Variants in TMEM232 observed in about 807,000 individuals in gnomAD.
TMEM232 encodes transmembrane protein 232.
In TMEM232, 80 loss-of-function variants were observed where a neutral mutation model predicts 78.8. The observed-to-expected ratio is 1.01, with a 90% CI of 0.85 to 1.22. The LOEUF (loss-of-function observed/expected upper bound fraction) is 1.22. Ranked by LOEUF, TMEM232 falls within the 50% of genes most tolerant of loss-of-function variation. The pLI, the probability that TMEM232 is intolerant of heterozygous loss-of-function variation, is 0.00. For missense variants in TMEM232, 881 were observed against 742.2 expected, an observed-to-expected ratio of 1.19 and a Z score of -2.17; for synonymous variants, 297 against 254.3, an observed-to-expected ratio of 1.17 and a Z score of -1.60.
intron 11 of TMEM232, among the ~76,000 whole-genome samples, chr5:110,547,741 T>C (rs995962958): frequency 6.6e-5 from 10 of 152,106 alleles, no homozygotes; most frequent in Non-Finnish European, 1.2e-4. Context: ...CTCACACCTG[T>C]AATCCTAGAA....
intron 7 of TMEM232, among the ~76,000 whole-genome samples, chr5:110,621,278 T>A (rs112161797): frequency 2.0e-5 from 3 of 152,138 alleles, no homozygotes; most frequent in Non-Finnish European, 4.4e-5. Context: ...TCATCACATA[T>A]ATCATCAGTG....
intron 12 of TMEM232, among the ~76,000 whole-genome samples, chr5:110,469,189 C>T (rs370598871): frequency 7.2e-5 from 11 of 152,274 alleles, no homozygotes; most frequent in African/African-American, 2.4e-4. Flanking sequence ...CTGTGCCCCT[C>T]GCTCAGTGGC....
intron 11 of TMEM232, among the ~76,000 whole-genome samples, chr5:110,545,196 G>A (rs1438186342): frequency 1.3e-5 from 2 of 151,900 alleles, no homozygotes; most frequent in Non-Finnish European, 2.9e-5. Flanking sequence ...AGAAATATTA[G>A]AGCCTTTGAG....
chr5:110,445,302 A>G (rs1157405660), intron 12 of TMEM232, among the ~76,000 whole-genome samples: 1 of 152,088 alleles, frequency 6.6e-6, no homozygotes, highest in Non-Finnish European at 1.5e-5. Flanking sequence ...CACATAATAA[A>G]TTACATATGT....
intron 12 of TMEM232, among the ~76,000 whole-genome samples, chr5:110,468,893 C>T (rs563711472): frequency 1.1e-4 from 16 of 152,106 alleles, no homozygotes; most frequent in Non-Finnish European, 1.9e-4. Flanking sequence ...CAAAGGAGTA[C>T]CAGAAACCAT....
intron 1 of TMEM232, among the ~76,000 whole-genome samples, chr5:110,673,840 T>C (rs1791680983): frequency 6.6e-6 from 1 of 152,178 alleles, no homozygotes; most frequent in Non-Finnish European, 1.5e-5. Context: ...GGTTTTATTA[T>C]TAACCCTTTA....
intron 12 of TMEM232, among the ~76,000 whole-genome samples, chr5:110,501,147 A>G (rs777714819): frequency 1.3e-5 from 2 of 152,186 alleles, no homozygotes; most frequent in Non-Finnish European, 1.5e-5. Flanking sequence ...TGGGTGTAAC[A>G]AGTGGTCCAA....
intron 12 of TMEM232, among the ~76,000 whole-genome samples, chr5:110,495,724 G>T (rs1445176745): frequency 6.6e-6 from 1 of 151,512 alleles, no homozygotes; most frequent in Non-Finnish European, 1.5e-5. Flanking sequence ...ACATTGCTGA[G>T]ATACTATGAA....
chr5:110,648,439 A>T (rs1354134459), intron 2 of TMEM232, among the ~76,000 whole-genome samples: 1 of 152,066 alleles, frequency 6.6e-6, no homozygotes, highest in East Asian at 1.9e-4. Flanking sequence ...TGTACCAGGG[A>T]ACATGTATAA....
Position 110,468,138 on chromosome 5 carries a change from TA to T in TMEM232, c.1704-43223del, listed in dbSNP as rs201216390. Among the ~76,000 whole-genome samples, 13 of 151,588 alleles carry T rather than the reference TA, an allele frequency of 8.6e-5. No individual in the cohort carries two copies. In the East Asian group the frequency reaches 1.9e-3, roughly 23 times the overall value. On this transcript the variant is annotated intron_variant, in intron 12 of 13. Transcript: ENST00000455884. ...ATAGATACATTACTTTACTTTAAAATAAAAAAAAGATATATTACAGCTAACT... is the reference window on the plus strand; with the variant it reads ...ATAGATACATTACTTTACTTTAAAATAAAAAAAGATATATTACAGCTAACT...
chr5:110,499,249 G>C (rs1297126665), intron 12 of TMEM232, among the ~76,000 whole-genome samples: 1 of 152,010 alleles, frequency 6.6e-6, no homozygotes, highest in Non-Finnish European at 1.5e-5. Flanking sequence ...AATTAAAACA[G>C]AATGCCAAAC....
Position 110,605,326 on chromosome 5 carries a change from C to T in TMEM232, c.1059G>A (p.Trp353Ter). 1.3e-6 allele frequency: 2 copies of T among 1,545,116 alleles called. No individual in the cohort carries two copies. Among genetic ancestry groups the T allele is most frequent in the Non-Finnish European group, 1.7e-6 (2 of 1,144,268 alleles). ...TATATATGTAGACTACATTCCAGGC[C>T]CAGGAAAAATCATCTACCTTGCAAC... ...EESCKVDDFS[W>*]AWNVVYIYTV... The change falls in exon 10 of 14, where the codon TGG (tryptophan) becomes TGA (stop). Residue 353 changes from tryptophan to a stop codon, truncating the protein, a stop_gained. Coordinates refer to ENST00000455884, the MANE Select transcript of TMEM232 (RefSeq NM_001039763.4). LOFTEE classifies it high-confidence loss of function.
intron 11 of TMEM232, among the ~76,000 whole-genome samples, chr5:110,542,032 T>C (rs1773186820): frequency 6.6e-6 from 1 of 152,128 alleles, no homozygotes; most frequent in African/African-American, 2.4e-5. Context: ...GTACTAAGGT[T>C]AGATGGTTGG....
intron 13 of TMEM232, among the ~76,000 whole-genome samples, chr5:110,423,662 T>C (rs907571150): frequency 5.9e-5 from 9 of 152,102 alleles, no homozygotes; most frequent in Non-Finnish European, 1.3e-4. Context: ...GCTTACACCC[T>C]TGGAAAAAGG....
At chr5:110,461,407 T>A (rs974216336) in intron 12 of TMEM232, among the ~76,000 whole-genome samples, 1 of 152,134 alleles carries the variant, frequency 6.6e-6, no homozygotes, top group Admixed American at 6.6e-5. Flanking sequence ...AGAAGAAAAG[T>A]TGCAATCCAG....
intron 2 of TMEM232, among the ~76,000 whole-genome samples, chr5:110,403,754 G>C (rs1388307524): frequency 1.3e-5 from 2 of 151,920 alleles, no homozygotes; most frequent in African/African-American, 2.4e-5. Context: ...CAGTAAGCCA[G>C]AAATATTCAG....
intron 8 of TMEM232, among the ~76,000 whole-genome samples, chr5:110,609,876 G>T (rs914596701): frequency 1.3e-5 from 2 of 152,010 alleles, no homozygotes; most frequent in Non-Finnish European, 2.9e-5. Flanking sequence ...TACAGCAAAG[G>T]CTAAAGAGAG....
chr5:110,507,073 A>G (rs546270211), intron 12 of TMEM232, among the ~76,000 whole-genome samples: 2 of 152,234 alleles, frequency 1.3e-5, no homozygotes, highest in East Asian at 1.9e-4. Flanking sequence ...CACTGGGTCT[A>G]TCTTGGCTCA....
chr5:110,611,835 C>G (rs1782321275), intron 8 of TMEM232, among the ~76,000 whole-genome samples: 1 of 152,048 alleles, frequency 6.6e-6, no homozygotes. Flanking sequence ...AGAGCCCAAA[C>G]CAAGGTTATG....
Sources: gnomAD v4.1 joint callset for allele counts (sites outside exome capture counted in the v4.1 genomes callset) on GRCh38, gnomAD v4.1.1 for gene constraint, MANE v1.5 for transcripts, NCBI Gene and HGNC (gene_info 2026-07-23, HGNC 2026-07-21) for gene names.